The following SLC17A1 variants were observed in gnomAD, a reference collection of about 807,000 sequenced individuals.
The protein encoded by SLC17A1 is solute carrier family 17 member 1, also known as sodium-dependent phosphate transport protein 1.
In SLC17A1, 51 loss-of-function variants were observed where a neutral mutation model predicts 53.5. The observed-to-expected ratio is 0.95, with a 90% confidence interval of 0.76 to 1.20. The LOEUF (loss-of-function observed/expected upper bound fraction) is 1.20, where lower values mean the gene tolerates loss of function less well. SLC17A1 is among the 50% of genes most tolerant of loss of function. SLC17A1 has a pLI of 0.00. For synonymous variants in SLC17A1, 179 were observed against 198.8 expected, an observed-to-expected ratio of 0.90 and a Z score of 0.84; for missense variants, 538 against 568.2, an observed-to-expected ratio of 0.95 and a Z score of 0.54.
At chr6:25,828,525 C>T (rs1342085481) in intron 2 of SLC17A1, among the ~76,000 whole-genome samples, 1 of 151,754 alleles carries the variant, frequency 6.6e-6, no homozygotes, top group East Asian at 1.9e-4. Context: ...CATTAAGTTA[C>T]TCTTTTATTT....
the SLC17A1 span, among the ~76,000 whole-genome samples, chr6:25,761,463 G>A: frequency 1.5e-3 from 227 of 152,222 alleles, no homozygotes; most frequent in African/African-American, 5.2e-3. Context: ...CATCTAACTC[G>A]GTGGAGATAT....
the SLC17A1 span, among the ~76,000 whole-genome samples, chr6:25,773,852 A>G: frequency 6.6e-6 from 1 of 152,174 alleles, no homozygotes; most frequent in African/African-American, 2.4e-5. Flanking sequence ...AATGTGGTTC[A>G]CTACTTACTG....
chr6:25,725,968 C>T, the SLC17A1 span, among the ~76,000 whole-genome samples: 1 of 152,176 alleles, frequency 6.6e-6, no homozygotes. Flanking sequence ...CCGTACATTC[C>T]CGAAATGCGC....
the SLC17A1 span, chr6:25,776,853 G>A: frequency 1.2e-6 from 2 of 1,613,942 alleles, no homozygotes; most frequent in Non-Finnish European, 1.7e-6. Flanking sequence ...CCTGCCCTGG[G>A]TCAGATCCAG....
the SLC17A1 span, among the ~76,000 whole-genome samples, chr6:25,735,645 T>C: frequency 6.6e-6 from 1 of 152,192 alleles, no homozygotes; most frequent in Admixed American, 6.5e-5. Context: ...GGGAAACATG[T>C]ACATACCAAG....
the SLC17A1 span, chr6:25,773,490 C>T: frequency 1.2e-6 from 2 of 1,613,382 alleles, no homozygotes; most frequent in Non-Finnish European, 1.7e-6. Context: ...ACGGAGGGGA[C>T]ATTGATGTGT....
the SLC17A1 span, among the ~76,000 whole-genome samples, chr6:25,774,030 A>G: frequency 6.6e-6 from 1 of 152,184 alleles, no homozygotes; most frequent in Non-Finnish European, 1.5e-5. Context: ...CTGGCAGCAT[A>G]AATAATAAAG....
intron 12 of SLC17A1, among the ~76,000 whole-genome samples, chr6:25,791,965 CA>C (rs1763510747): frequency 6.6e-6 from 1 of 152,186 alleles, no homozygotes; most frequent in South Asian, 2.1e-4. Context: ...TTTACAGACC[CA>C]AACACATTCA....
At chr6:25,748,697 T>C in the SLC17A1 span, among the ~76,000 whole-genome samples, 1 of 152,110 alleles carries the variant, frequency 6.6e-6, no homozygotes, top group South Asian at 2.1e-4. Context: ...GCAAGAGGAA[T>C]GTGGTAGGAG....
chr6:25,727,143 G>T, the SLC17A1 span: 2 of 1,614,160 alleles, frequency 1.2e-6, no homozygotes, highest in Non-Finnish European at 1.7e-6. Flanking sequence ...AGCGAGCGAG[G>T]CATCACGTTT....
chr6:25,813,072 C>A, intron 7 of SLC17A1, 23 bp downstream of exon 7: 1 of 1,610,946 alleles, frequency 6.2e-7, no homozygotes, highest in Non-Finnish European at 8.5e-7. Context: ...TGGGAGATGC[C>A]AATATGGAGA....
intron 10 of SLC17A1, 45 bp from the exon 11 acceptor site, chr6:25,801,025 C>T (rs1218996710): frequency 1.9e-6 from 2 of 1,048,748 alleles, no homozygotes; most frequent in Admixed American, 3.6e-5. Context: ...AGTACAAATA[C>T]TGCAGGAAAT....
At chr6:25,724,113 C>T in the SLC17A1 span, among the ~76,000 whole-genome samples, 2 of 152,148 alleles carry the variant, frequency 1.3e-5, no homozygotes, top group Non-Finnish European at 2.9e-5. Context: ...CTCTATGAAA[C>T]GTGTGAAAGT....
the SLC17A1 span, chr6:25,770,508 T>C: frequency 6.3e-7 from 1 of 1,592,564 alleles, no homozygotes; most frequent in Non-Finnish European, 8.6e-7. Flanking sequence ...ACATGCACTG[T>C]CCAGGAGAAC....
In SLC17A1 at chr6:25,809,764, A is replaced by T. The variant is rs545991401; in HGVS notation, c.1178+1634T>A. On this transcript the variant is annotated intron_variant, in intron 10 of 12. Transcript: ENST00000244527. ...ACATGTTTCGCAGAAATAGAAAAAC[A>T]TCTTACAATTTCTATGGAAGTACAA... Among the ~76,000 whole-genome samples, 206 of 152,242 alleles carry T rather than the reference A, an allele frequency of 1.4e-3. 1 individual carries two copies. The South Asian group carries it at 0.014, about 11-fold the overall frequency.
chr6:25,725,206 C>T, the SLC17A1 span, among the ~76,000 whole-genome samples: 1 of 152,172 alleles, frequency 6.6e-6, no homozygotes, highest in Admixed American at 6.5e-5. Context: ...GAAGCATATA[C>T]TCTTCCAAAT....
At chr6:25,829,868 GA>G (rs953082754) in intron 2 of SLC17A1, among the ~76,000 whole-genome samples, 11 of 151,602 alleles carry the variant, frequency 7.3e-5, no homozygotes, top group African/African-American at 2.7e-4. Context: ...ATAATATATA[GA>G]AAAAAACATA....
chr6:25,738,997 T>A, the SLC17A1 span, among the ~76,000 whole-genome samples: 144 of 152,278 alleles, frequency 9.5e-4, 4 homozygotes, highest in South Asian at 0.02. Flanking sequence ...AATCAAAACA[T>A]ATACTTACAA....
the SLC17A1 span, among the ~76,000 whole-genome samples, chr6:25,750,302 T>C: frequency 0.27 from 41,318 of 152,086 alleles, 6,831 homozygotes; most frequent in East Asian, 0.7. Context: ...GTTCTTGGCA[T>C]AGTTAATGTA....
Sources: gnomAD v4.1 joint callset for allele counts (sites outside exome capture counted in the v4.1 genomes callset) on GRCh38, gnomAD v4.1.1 for gene constraint, MANE v1.5 for transcripts, NCBI Gene and HGNC (gene_info 2026-07-23, HGNC 2026-07-21) for gene names.